Variants in NAALADL2 observed in about 807,000 individuals in gnomAD.
NAALADL2 encodes N-acetylated alpha-linked acidic dipeptidase like 2.
NAALADL2 carries 76 observed loss-of-function variants against 87.2 expected under a neutral mutation model. The observed-to-expected ratio is 0.87, with a 90% CI of 0.72 to 1.05. NAALADL2 has a LOEUF of 1.05. NAALADL2 is among the 50% of genes least tolerant of loss of function. The pLI is 0.00. For synonymous variants in NAALADL2, 354 were observed against 331.0 expected (o/e 1.07, Z -0.75); for missense variants, 1,089 against 945.8 (o/e 1.15, Z -1.99).
intron 13 of NAALADL2, among the ~76,000 whole-genome samples, chr3:175,797,381 T>G (rs1447579445): frequency 6.6e-6 from 1 of 152,142 alleles, no homozygotes; most frequent in African/African-American, 2.4e-5. Flanking sequence ...ATGTTCTGTG[T>G]ATGCAAATAA....
chr3:175,134,432 T>TG (rs66942164), intron 2 of NAALADL2, among the ~76,000 whole-genome samples: 42 of 152,048 alleles, frequency 2.8e-4, no homozygotes, highest in East Asian at 1.7e-3. Context: ...TCAGCTTTTT[T>TG]GGGGGGGTCC....
chr3:174,782,872 C>G (rs1269395212), intron 3 of NAALADL2, among the ~76,000 whole-genome samples: 1 of 152,062 alleles, frequency 6.6e-6, no homozygotes, highest in Non-Finnish European at 1.5e-5. Flanking sequence ...CTGGGTCACT[C>G]CAATGACAGA....
chr3:175,066,514 A>G (rs775180485), intron 1 of NAALADL2, among the ~76,000 whole-genome samples: 1 of 152,146 alleles, frequency 6.6e-6, no homozygotes, highest in South Asian at 2.1e-4. Context: ...AGCAGCAGAA[A>G]CAACCAAAAG....
At chr3:175,718,915 T>C (rs1222588407) in intron 11 of NAALADL2, among the ~76,000 whole-genome samples, 1 of 152,078 alleles carries the variant, frequency 6.6e-6, no homozygotes, top group Non-Finnish European at 1.5e-5. Flanking sequence ...AAAACAAGGA[T>C]AATGTGATTA....
At chr3:174,913,251 C>G (rs761403882) in intron 1 of NAALADL2, among the ~76,000 whole-genome samples, 2 of 152,138 alleles carry the variant, frequency 1.3e-5, no homozygotes, top group Non-Finnish European at 2.9e-5. Flanking sequence ...CTAAACCCTT[C>G]TTTAATGAAA....
intron 5 of NAALADL2, among the ~76,000 whole-genome samples, chr3:175,329,153 A>G (rs543556581): frequency 6.6e-6 from 1 of 152,278 alleles, no homozygotes; most frequent in East Asian, 1.9e-4. Flanking sequence ...GAATTTCCTT[A>G]TGTACCATTT....
chr3:175,733,201 A>G (rs1274869771), intron 11 of NAALADL2, among the ~76,000 whole-genome samples: 1 of 152,190 alleles, frequency 6.6e-6, no homozygotes, highest in Non-Finnish European at 1.5e-5. Context: ...TTAATGTTGT[A>G]TTAGTTCGTT....
At chr3:174,938,239 T>C (rs1176376649) in intron 1 of NAALADL2, among the ~76,000 whole-genome samples, 1 of 152,036 alleles carries the variant, frequency 6.6e-6, no homozygotes, top group Non-Finnish European at 1.5e-5. Flanking sequence ...ATGAGTTCTC[T>C]TCATTTAGCT....
intron 10 of NAALADL2, among the ~76,000 whole-genome samples, chr3:175,590,574 A>C (rs995878464): frequency 3.3e-5 from 5 of 152,140 alleles, no homozygotes; most frequent in Admixed American, 2.6e-4. Flanking sequence ...GTATGAATCT[A>C]TCTGCAGATC....
chr3:175,282,953 T>G (rs1754498885), intron 4 of NAALADL2, among the ~76,000 whole-genome samples: 1 of 151,782 alleles, frequency 6.6e-6, no homozygotes, highest in Non-Finnish European at 1.5e-5. Context: ...TGGGATTTGT[T>G]CACTAGCAGA....
chr3:175,361,269 A>T (rs373221549), intron 5 of NAALADL2, among the ~76,000 whole-genome samples: 6,709 of 136,556 alleles, frequency 0.049, 266 homozygotes, highest in South Asian at 0.067. Flanking sequence ...TCTATCACTG[A>T]TGGACATTTG....
intron 1 of NAALADL2, among the ~76,000 whole-genome samples, chr3:175,058,372 T>C (rs1358174696): frequency 6.6e-6 from 1 of 152,208 alleles, no homozygotes; most frequent in African/African-American, 2.4e-5. Context: ...TATTCACACA[T>C]AGCTAGGCCC....
At chr3:175,513,319 T>A (rs997167292) in intron 9 of NAALADL2, among the ~76,000 whole-genome samples, 1 of 152,148 alleles carries the variant, frequency 6.6e-6, no homozygotes, top group African/African-American at 2.4e-5. Flanking sequence ...TTTAAATTAA[T>A]AAAAATTAAA....
chr3:175,442,725 A>G (rs1008128665), intron 5 of NAALADL2, among the ~76,000 whole-genome samples: 1 of 152,192 alleles, frequency 6.6e-6, no homozygotes, highest in African/African-American at 2.4e-5. Context: ...CTTTATCTGG[A>G]TTACAAAGAG....
chr3:175,409,351 GAT>G (rs1560505078), intron 5 of NAALADL2, among the ~76,000 whole-genome samples: 3 of 151,610 alleles, frequency 2.0e-5, no homozygotes, highest in Non-Finnish European at 4.4e-5. Context: ...AGTTGTCCAG[GAT>G]GTCATTGATT....
chr3:175,691,700 G>T (rs1737069217), intron 11 of NAALADL2, among the ~76,000 whole-genome samples: 1 of 151,986 alleles, frequency 6.6e-6, no homozygotes, highest in East Asian at 1.9e-4. Flanking sequence ...AATGGCTTTA[G>T]TATATCCACA....
intron 2 of NAALADL2, among the ~76,000 whole-genome samples, chr3:175,159,103 T>A (rs1732746103): frequency 6.6e-6 from 1 of 152,148 alleles, no homozygotes; most frequent in Admixed American, 6.6e-5. Context: ...GCATATAAAT[T>A]CAGATCGATT....
chr3:175,283,753 C>T (rs1216874484), intron 4 of NAALADL2, among the ~76,000 whole-genome samples: 1 of 151,978 alleles, frequency 6.6e-6, no homozygotes, highest in Non-Finnish European at 1.5e-5. Flanking sequence ...TGAACTAATT[C>T]CAGAAGTGTG....
At chr3:174,477,137 A>G (rs947023048) in intron 1 of NAALADL2, among the ~76,000 whole-genome samples, 13 of 152,018 alleles carry the variant, frequency 8.6e-5, no homozygotes, top group African/African-American at 3.1e-4. Flanking sequence ...AAACAGAAAA[A>G]TCATCTATAC....
Sources: gnomAD v4.1 joint callset for allele counts (sites outside exome capture counted in the v4.1 genomes callset) on GRCh38, gnomAD v4.1.1 for gene constraint, MANE v1.5 for transcripts, NCBI Gene and HGNC (gene_info 2026-07-23, HGNC 2026-07-21) for gene names.